Variants in PTPRG observed in about 807,000 individuals in gnomAD.
The protein encoded by PTPRG is protein tyrosine phosphatase receptor type G.
A neutral mutation model predicts 165.3 loss-of-function variants in PTPRG; 102 were observed. That is an observed-to-expected ratio of 0.62 (90% CI 0.53 to 0.73). PTPRG has a LOEUF of 0.73. Among genes scored for constraint, PTPRG ranks in the 30% least tolerant of loss-of-function variants. The pLI is 0.00. For synonymous variants in PTPRG, 675 were observed against 669.5 expected, an observed-to-expected ratio of 1.01 and a Z score of -0.13; for missense variants, 1,866 against 1,861.4, an observed-to-expected ratio of 1.00 and a Z score of -0.05.
intron 8 of PTPRG, among the ~76,000 whole-genome samples, chr3:62,172,172 C>T (rs969318597): frequency 1.3e-5 from 2 of 152,072 alleles, no homozygotes; most frequent in Non-Finnish European, 2.9e-5. Flanking sequence ...GAGTTTTTTC[C>T]ACCTGTTGGC....
At chr3:61,687,333 G>C (rs547667960) in intron 1 of PTPRG, among the ~76,000 whole-genome samples, 46 of 152,336 alleles carry the variant, frequency 3.0e-4, no homozygotes, top group African/African-American at 1.1e-3. Flanking sequence ...GCAGTGGAGA[G>C]CATGTGTGCT....
At chr3:61,568,225 A>G (rs754363436) in intron 1 of PTPRG, among the ~76,000 whole-genome samples, 2 of 152,224 alleles carry the variant, frequency 1.3e-5, no homozygotes, top group African/African-American at 4.8e-5. Context: ...GCTTTTCCCT[A>G]CAATTTGCCT....
intron 4 of PTPRG, among the ~76,000 whole-genome samples, chr3:62,020,144 A>G (rs2041654411): frequency 6.6e-6 from 1 of 152,172 alleles, no homozygotes; most frequent in African/African-American, 2.4e-5. Context: ...GGGAGATGAA[A>G]ACATAGTCAA....
At chr3:62,196,263 C>T (rs967548146) in intron 10 of PTPRG, among the ~76,000 whole-genome samples, 5 of 151,694 alleles carry the variant, frequency 3.3e-5, no homozygotes, top group East Asian at 4.0e-4. Context: ...CTTGGTGGTG[C>T]GTGCCTGTAA....
At chr3:61,745,051 C>CTTTTTTTTTTTTTTTTTTTTTT (rs10669472) in intron 1 of PTPRG, among the ~76,000 whole-genome samples, 1 of 111,626 alleles carries the variant, frequency 9.0e-6, no homozygotes, top group African/African-American at 3.4e-5. Flanking sequence ...CATTCCCTCA[C>CTTTTTTTTTTTTTTTTTTTTTT]TTTTTTTTTT....
At chr3:61,818,678 A>C (rs2035862955) in intron 2 of PTPRG, among the ~76,000 whole-genome samples, 1 of 152,102 alleles carries the variant, frequency 6.6e-6, no homozygotes, top group Non-Finnish European at 1.5e-5. Context: ...AAACAGAAAA[A>C]AGGGAGAAAA....
At chr3:61,627,626 C>T (rs1559530552) in intron 1 of PTPRG, among the ~76,000 whole-genome samples, 1 of 152,112 alleles carries the variant, frequency 6.6e-6, no homozygotes, top group Non-Finnish European at 1.5e-5. Flanking sequence ...ACCCATTTTC[C>T]TTTATTTGAA....
chr3:61,908,848 T>G (rs1247467260), intron 2 of PTPRG, among the ~76,000 whole-genome samples: 2 of 152,020 alleles, frequency 1.3e-5, no homozygotes, highest in Non-Finnish European at 2.9e-5. Context: ...CACGTAAGAG[T>G]CTCCAGTTCC....
chr3:61,580,331 G>C (rs1389991920), intron 1 of PTPRG, among the ~76,000 whole-genome samples: 4 of 150,906 alleles, frequency 2.7e-5, no homozygotes, highest in Non-Finnish European at 5.9e-5. Flanking sequence ...CGACCGTGCA[G>C]GAGTCAATAC....
Position 61,861,784 on chromosome 3 carries a change from T to C in PTPRG, c.190+112802T>C, listed in dbSNP as rs2037276816. Reference sequence around the variant, plus strand: ...CATTCCTCAGCAGTCACTGCTACAGTAGGGCACTTAATGCATGCCGATGCC... The same window carrying C: ...CATTCCTCAGCAGTCACTGCTACAGCAGGGCACTTAATGCATGCCGATGCC... On this transcript the variant is annotated intron_variant, in intron 2 of 29. Transcript: ENST00000474889. Among the ~76,000 whole-genome samples the C allele has an allele frequency of 2.0e-5, 3 of 152,288 alleles. No homozygotes were observed. In the South Asian group the frequency reaches 6.2e-4, roughly 32 times the overall value.
intron 2 of PTPRG, among the ~76,000 whole-genome samples, chr3:61,824,854 A>G (rs1183416283): frequency 1.3e-5 from 2 of 152,212 alleles, no homozygotes; most frequent in African/African-American, 2.4e-5. Flanking sequence ...TAATCCTTCA[A>G]CTACTTGCTG....
chr3:61,870,683 G>A (rs910532458), intron 2 of PTPRG, among the ~76,000 whole-genome samples: 14 of 150,840 alleles, frequency 9.3e-5, no homozygotes, highest in African/African-American at 2.4e-4. Flanking sequence ...ACCCATTGTT[G>A]GGTAGGAAAA....
At chr3:62,140,040 G>T (rs976672215) in intron 6 of PTPRG, among the ~76,000 whole-genome samples, 1 of 152,178 alleles carries the variant, frequency 6.6e-6, no homozygotes, top group Non-Finnish European at 1.5e-5. Flanking sequence ...GTCATCTCCA[G>T]GTCAGTCCTC....
chr3:61,868,906 T>G (rs192605714), intron 2 of PTPRG, among the ~76,000 whole-genome samples: 29 of 150,712 alleles, frequency 1.9e-4, no homozygotes, highest in African/African-American at 7.0e-4. Context: ...AGAAGGGTGT[T>G]TTTTTTTTTT....
chr3:62,142,631 T>C (rs1461155051), intron 6 of PTPRG, among the ~76,000 whole-genome samples: 2 of 152,178 alleles, frequency 1.3e-5, no homozygotes, highest in Non-Finnish European at 2.9e-5. Flanking sequence ...TTAAAAACTT[T>C]CTTACCATAA....
intron 6 of PTPRG, among the ~76,000 whole-genome samples, chr3:62,154,611 T>C (rs1236993180): frequency 1.3e-5 from 2 of 152,160 alleles, no homozygotes; most frequent in African/African-American, 4.8e-5. Context: ...TGATGCTCTT[T>C]AAAGCCATGG....
At chr3:62,122,542 G>C (rs976253754) in intron 5 of PTPRG, among the ~76,000 whole-genome samples, 2 of 152,182 alleles carry the variant, frequency 1.3e-5, no homozygotes, top group African/African-American at 4.8e-5. Context: ...ATATGAAACA[G>C]CAGCACCCAC....
At chr3:61,900,931 T>A (rs1032572336) in intron 2 of PTPRG, among the ~76,000 whole-genome samples, 5 of 152,166 alleles carry the variant, frequency 3.3e-5, no homozygotes, top group Admixed American at 2.6e-4. Context: ...ATCTTTAACC[T>A]GTGGATGCTA....
intron 3 of PTPRG, among the ~76,000 whole-genome samples, chr3:61,995,816 C>T (rs953875206): frequency 6.6e-6 from 1 of 151,116 alleles, no homozygotes; most frequent in Admixed American, 6.6e-5. Flanking sequence ...TGTCTCCAAG[C>T]TGGAGTGCAG....
Sources: allele counts gnomAD v4.1 joint callset (sites outside exome capture counted in the v4.1 genomes callset), GRCh38; gene constraint gnomAD v4.1.1; transcripts MANE v1.5; gene names NCBI Gene and HGNC (gene_info 2026-07-23, HGNC 2026-07-21).